Variants in HHATL observed in about 807,000 individuals in gnomAD.
HHATL encodes the protein hedgehog acyltransferase like, also known as protein-cysteine N-palmitoyltransferase HHAT-like protein.
In HHATL, 49 loss-of-function variants were observed where a neutral mutation model predicts 59.7. The observed-to-expected ratio is 0.82, with a 90% CI of 0.65 to 1.04. The LOEUF (loss-of-function observed/expected upper bound fraction) is 1.04. HHATL is among the 50% of genes least tolerant of loss of function. HHATL has a pLI of 0.00. For synonymous variants in HHATL, 238 were observed against 257.3 expected, an observed-to-expected ratio of 0.93 and a Z score of 0.72; for missense variants, 605 against 650.8, an observed-to-expected ratio of 0.93 and a Z score of 0.77.
rs748351363 is a variant in HHATL at position 42,697,151 on chromosome 3, G to A, written c.866-6C>T. The A allele has an allele frequency of 1.3e-6, 2 of 1,518,750 alleles. No individual in the cohort carries two copies. The highest frequency in any genetic ancestry group is 1.3e-5 in the South Asian group (1 of 75,492). 94.1% of individuals were successfully genotyped at this position (1,518,750 alleles called of 1,614,324 possible). ...GTTTGAATAGGCTAGGCCAGCTGGGGGCAGGGCACTGTCACTGCCTGGGGT... is the reference window on the plus strand; with the variant it reads ...GTTTGAATAGGCTAGGCCAGCTGGGAGCAGGGCACTGTCACTGCCTGGGGT... On this transcript the variant is annotated splice_polypyrimidine_tract_variant and splice_region_variant and intron_variant, in intron 7 of 11. Coordinates refer to ENST00000441594, the MANE Select transcript of HHATL (RefSeq NM_020707.4).
intron 2 of HHATL, among the ~76,000 whole-genome samples, chr3:42,700,080 C>CTG (rs138596367): frequency 0.21 from 27,029 of 128,932 alleles, 3,509 homozygotes; most frequent in Non-Finnish European, 0.24. Context: ...GTCCAGGTCT[C>CTG]TGTGTGTGTG....
At chr3:42,696,123 T>A (rs1385223566) in intron 9 of HHATL, among the ~76,000 whole-genome samples, 1 of 152,188 alleles carries the variant, frequency 6.6e-6, no homozygotes, top group African/African-American at 2.4e-5. Context: ...TCCAGCTTCC[T>A]TGAGGCTCAG....
At chr3:42,694,534 T>C (rs2125849665) in intron 9 of HHATL, among the ~76,000 whole-genome samples, 1 of 152,258 alleles carries the variant, frequency 6.6e-6, no homozygotes, top group South Asian at 2.1e-4. Flanking sequence ...TCTGAATAGC[T>C]CCCCATTACA....
chr3:42,698,966 T>C, intron 4 of HHATL, 64 bp from the exon 5 acceptor site: 1 of 1,609,058 alleles, frequency 6.2e-7, no homozygotes, highest in Non-Finnish European at 8.5e-7. Context: ...AGGAGGGGGT[T>C]CCCACAACCC....
intron 9 of HHATL, chr3:42,694,094 A>C: frequency 8.4e-6 from 4 of 478,596 alleles, no homozygotes; most frequent in Non-Finnish European, 1.5e-5. Context: ...TGACCCCTAA[A>C]TCTGTGTCTT....
intron 9 of HHATL, among the ~76,000 whole-genome samples, chr3:42,696,471 C>T (rs1193121807): frequency 2.0e-5 from 3 of 152,202 alleles, no homozygotes; most frequent in Non-Finnish European, 4.4e-5. Flanking sequence ...ACAGGGATGT[C>T]TCCTAGATTG....
At chr3:42,697,854 G>A (rs339689) in intron 6 of HHATL, among the ~76,000 whole-genome samples, 175 bp from the exon 7 acceptor site, 6,568 of 152,262 alleles carry the variant, frequency 0.043, 435 homozygotes, top group African/African-American at 0.15. Context: ...AGCCAGCCAT[G>A]GGAGACCCAG....
intron 10 of HHATL, 82 bp from the exon 11 acceptor site, chr3:42,693,300 T>C: frequency 1.3e-6 from 2 of 1,547,642 alleles, no homozygotes; most frequent in South Asian, 1.2e-5. Flanking sequence ...CTTACCCACC[T>C]GGCCAGTCAG....
intron 2 of HHATL, 101 bp from the exon 3 acceptor site, chr3:42,699,926 G>GACCCGTGCCCCGTTCCT: frequency 1.1e-6 from 1 of 886,696 alleles, no homozygotes; most frequent in East Asian, 2.7e-5. Flanking sequence ...GAGGGCATCA[G>GACCCGTGCCCCGTTCCT]GAACGGGGCA....
intron 1 of HHATL, among the ~76,000 whole-genome samples, chr3:42,702,134 G>C (rs1223260524): frequency 6.6e-6 from 1 of 152,234 alleles, no homozygotes; most frequent in Non-Finnish European, 1.5e-5. Context: ...CCTGCCCACA[G>C]CAGAGGCTGC....
intron 9 of HHATL, among the ~76,000 whole-genome samples, chr3:42,696,356 A>G (rs1354733577): frequency 6.6e-6 from 1 of 151,802 alleles, no homozygotes; most frequent in Non-Finnish European, 1.5e-5. Context: ...CCCACTCCCA[A>G]AGCCTAAAAA....
rs753887214 is a variant in HHATL at position 42,693,225 on chromosome 3, G to T, written c.1249-7C>A. On this transcript the variant is annotated splice_polypyrimidine_tract_variant and splice_region_variant and intron_variant, in intron 10 of 11. Transcript: ENST00000441594. ...TCTGCACTGACAGAGAGGCCTATCC[G>T]GTCCAGGAAAGCATGGGCAGCGGGA... 2.5e-6 allele frequency: 4 copies of T among 1,613,080 alleles called. No homozygotes were observed. In the South Asian group the frequency reaches 4.4e-5, roughly 18 times the overall value.
At chr3:42,696,715 T>A in intron 9 of HHATL, 127 bp downstream of exon 9, 1 of 990,116 alleles carries the variant, frequency 1.0e-6, no homozygotes, top group South Asian at 1.5e-5. Flanking sequence ...TGCCAATACC[T>A]CCTCACTGCC....
At position 42,698,624 on chromosome 3, in the gene HHATL, G is replaced by T; in HGVS notation, c.483+84C>A. On this transcript the variant is annotated intron_variant, in intron 5 of 11. Coordinates refer to ENST00000441594, the MANE Select transcript of HHATL (RefSeq NM_020707.4). ...GTGGAAAGTGAAGGGAATACTTGGG[G>T]ATACTTGGGGTGCAAGGACTTTGGA... 3 of 1,438,430 alleles carry T rather than the reference G, an allele frequency of 2.1e-6. No individual in the cohort carries two copies. The South Asian group carries it at 4.1e-5, about 20-fold the overall frequency. The allele number at this position is 1,438,430 out of a possible 1,614,324, so 89.1% of individuals were successfully genotyped here.
At chr3:42,697,443 G>C in intron 7 of HHATL, 65 bp downstream of exon 7, 1 of 1,533,166 alleles carries the variant, frequency 6.5e-7, no homozygotes, top group Admixed American at 1.8e-5. Flanking sequence ...TGGCACCGTG[G>C]GGGTGCAGAG....
chr3:42,699,805 A>T lies in HHATL; in HGVS notation c.127T>A (p.Phe43Ile). 1 of 1,570,018 alleles carries T rather than the reference A, an allele frequency of 6.4e-7. No individual in the cohort carries two copies. Among genetic ancestry groups the T allele is most frequent in the Non-Finnish European group, 8.6e-7 (1 of 1,156,804 alleles). Residue 43 changes from phenylalanine to isoleucine, a missense_variant, in exon 3 of 12, where the codon TTC becomes ATC. Transcript: ENST00000441594. ...CAGCCAGGTCGCACAGACTCCCGGA[A>T]GGCCTTCCTGTGGGCCCCATCTGAG... Reference protein sequence around the residue: ...ASQDGAHRKAFRESVRPGWEY... With the variant: ...ASQDGAHRKAIRESVRPGWEY...
chr3:42,700,024 G>A (rs1697868621), intron 2 of HHATL, among the ~76,000 whole-genome samples, 199 bp from the exon 3 acceptor site: 1 of 151,894 alleles, frequency 6.6e-6, no homozygotes, highest in Non-Finnish European at 1.5e-5. Flanking sequence ...GTGTGTGTGT[G>A]TTGGGGTGTG....
Position 42,694,764 on chromosome 3 carries a change from C to T in HHATL, c.1047-946G>A, listed in dbSNP as rs531085055. Among the ~76,000 whole-genome samples, 10 of 152,330 alleles carry T rather than the reference C, an allele frequency of 6.6e-5. No homozygotes were observed. In the East Asian group the frequency reaches 1.7e-3, roughly 26 times the overall value. Reference sequence around the variant, plus strand: ...TTCTCTGCTCCACATCTCCTTATCACTCAAATCTCAATTCAAATATCATCT... The same window carrying T: ...TTCTCTGCTCCACATCTCCTTATCATTCAAATCTCAATTCAAATATCATCT... On this transcript the variant is annotated intron_variant, in intron 9 of 11. Coordinates refer to ENST00000441594, the MANE Select transcript of HHATL (RefSeq NM_020707.4).
chr3:42,699,441 G>T (rs1399390082), intron 3 of HHATL, among the ~76,000 whole-genome samples: 1 of 152,152 alleles, frequency 6.6e-6, no homozygotes, highest in Non-Finnish European at 1.5e-5. Context: ...GGGCTGCCGG[G>T]TCGCTTGAAG....
Sources: gnomAD v4.1 joint callset for allele counts (sites outside exome capture counted in the v4.1 genomes callset) on GRCh38, gnomAD v4.1.1 for gene constraint, MANE v1.5 for transcripts, NCBI Gene and HGNC (gene_info 2026-07-23, HGNC 2026-07-21) for gene names.